The following RSU1 variants were observed in gnomAD, a reference collection of about 807,000 sequenced individuals.
RSU1 encodes the protein Ras suppressor protein 1, also known as rsu-1.
RSU1 carries 26 observed loss-of-function variants against 31.1 expected under a neutral mutation model. The observed-to-expected ratio is 0.84, with a 90% confidence interval of 0.61 to 1.16. The LOEUF is 1.16. RSU1 is among the 50% of genes most tolerant of loss of function. RSU1 has a pLI of 0.00. For synonymous variants in RSU1, 164 were observed against 136.3 expected (o/e 1.20, Z -1.41); for missense variants, 320 against 339.1 (o/e 0.94, Z 0.44).
At chr10:16,742,231 G>T (rs1836768960) in intron 7 of RSU1, among the ~76,000 whole-genome samples, 1 of 152,204 alleles carries the variant, frequency 6.6e-6, no homozygotes, top group Non-Finnish European at 1.5e-5. Flanking sequence ...ATGCTTTTGT[G>T]TAATGGGTAG....
intron 8 of RSU1, among the ~76,000 whole-genome samples, chr10:16,655,554 T>A (rs1192620332): frequency 1.3e-5 from 2 of 152,226 alleles, no homozygotes; most frequent in Admixed American, 6.5e-5. Context: ...AATTTGCATA[T>A]GTATGCAGTA....
intron 8 of RSU1, among the ~76,000 whole-genome samples, chr10:16,612,810 C>A (rs1314935904): frequency 6.6e-6 from 1 of 152,204 alleles, no homozygotes; most frequent in African/African-American, 2.4e-5. Context: ...GAGCAATTTG[C>A]AAACACACTG....
intron 8 of RSU1, among the ~76,000 whole-genome samples, chr10:16,622,314 C>T (rs1834083937): frequency 6.6e-6 from 1 of 152,176 alleles, no homozygotes. Flanking sequence ...AAGCATAGAT[C>T]CACCATTTCC....
At chr10:16,669,648 G>A (rs558156121) in intron 8 of RSU1, among the ~76,000 whole-genome samples, 17 of 151,906 alleles carry the variant, frequency 1.1e-4, no homozygotes, top group African/African-American at 3.4e-4. Flanking sequence ...CTCATTGTTC[G>A]GCTCCCACTT....
intron 7 of RSU1, among the ~76,000 whole-genome samples, chr10:16,696,640 A>G (rs1044430216): frequency 6.6e-6 from 1 of 152,214 alleles, no homozygotes; most frequent in African/African-American, 2.4e-5. Flanking sequence ...CAAGATTATC[A>G]ATATTGTCAA....
intron 7 of RSU1, among the ~76,000 whole-genome samples, chr10:16,742,238 G>T (rs1326941317): frequency 6.6e-6 from 1 of 152,162 alleles, no homozygotes; most frequent in East Asian, 1.9e-4. Context: ...TGTGTAATGG[G>T]TAGTCAACTT....
intron 8 of RSU1, among the ~76,000 whole-genome samples, chr10:16,604,806 G>T (rs920562339): frequency 2.0e-5 from 3 of 152,126 alleles, no homozygotes; most frequent in African/African-American, 7.2e-5. Context: ...CTGTCACCCT[G>T]GGTGCCGTAA....
chr10:16,771,920 A>G (rs45464692), intron 3 of RSU1, among the ~76,000 whole-genome samples: 1 of 152,224 alleles, frequency 6.6e-6, no homozygotes, highest in Non-Finnish European at 1.5e-5. Context: ...CTACGCCAAG[A>G]AAGGCCAACA....
intron 3 of RSU1, 87 bp downstream of exon 3, chr10:16,781,947 T>C (rs1419269633): frequency 2.7e-6 from 3 of 1,112,566 alleles, no homozygotes; most frequent in Admixed American, 2.1e-5. Context: ...CTTCATTAGT[T>C]TCTCCCAAGG....
rs796225177 is a variant in RSU1, at chr10:16,752,866, A to T, written c.483+52T>A. On this transcript the variant is annotated intron_variant, in intron 6 of 8. Coordinates refer to ENST00000345264, the MANE Select transcript of RSU1 (RefSeq NM_012425.4). Reference sequence around the variant, plus strand: ...CTCAAATTGACTTGATTCTACCCCTACAAGGCTGCAGCAGTGAATTGATTT... The same window carrying T: ...CTCAAATTGACTTGATTCTACCCCTTCAAGGCTGCAGCAGTGAATTGATTT... The T allele has an allele frequency of 4.7e-6, 7 of 1,500,942 alleles. No individual in the cohort carries two copies. In the African/African-American group the frequency reaches 8.2e-5, roughly 18 times the overall value. The allele number at this position is 1,500,942 out of a possible 1,614,324, so 93.0% of individuals were successfully genotyped here.
intron 8 of RSU1, among the ~76,000 whole-genome samples, chr10:16,651,450 A>G (rs985601330): frequency 6.6e-6 from 1 of 152,254 alleles, no homozygotes; most frequent in Admixed American, 6.5e-5. Flanking sequence ...TCTCAGTGTC[A>G]CCACTGCTGG....
At chr10:16,643,763 T>C (rs1182111905) in intron 8 of RSU1, among the ~76,000 whole-genome samples, 1 of 151,756 alleles carries the variant, frequency 6.6e-6, no homozygotes, top group Non-Finnish European at 1.5e-5. Flanking sequence ...AAAGGGTCGC[T>C]GTTAAGGCTA....
rs888194510 is a variant in RSU1, at chr10:16,592,388, A to C, written c.*1006T>G. ...GTAGGTATCACTGTTGAAAAGAAGG[A>C]AAGCTGCCTATCACAGATGTTAAAC... is the stretch of plus-strand genomic sequence containing the variant. On this transcript the variant is annotated 3_prime_UTR_variant, in exon 9 of 9. Coordinates refer to ENST00000345264, the MANE Select transcript of RSU1 (RefSeq NM_012425.4). 1.3e-5 allele frequency: 2 copies of C among 152,212 alleles called. No homozygotes were observed. Among genetic ancestry groups the C allele is most frequent in the African/African-American group, 4.8e-5 (2 of 41,444 alleles). The allele number at this position is 152,212 out of a possible 1,614,324, so 9.4% of individuals were successfully genotyped here.
chr10:16,645,944 A>G lies in RSU1; in HGVS notation c.731+49079T>C, dbSNP rs796957693. On this transcript the variant is annotated intron_variant, in intron 8 of 8. Transcript: ENST00000345264. The stretch of plus-strand genomic sequence containing the variant: ...TGTGTATATACACATATGTGTATAT[A>G]TATGTGTATATACATATATGTGTAT... Among the ~76,000 whole-genome samples the G allele has an allele frequency of 3.3e-5, 2 of 59,804 alleles. 1 individual carries two copies. The highest frequency in any genetic ancestry group is 7.6e-4 in the East Asian group (2 of 2,630). The allele number at this position is 59,804 out of a possible 152,430, so 39.2% of individuals were successfully genotyped here.
chr10:16,600,808 C>A (rs1454622523), intron 8 of RSU1, among the ~76,000 whole-genome samples: 1 of 152,152 alleles, frequency 6.6e-6, no homozygotes, highest in African/African-American at 2.4e-5. Flanking sequence ...GCAATCCTCT[C>A]ACCTCACACT....
intron 8 of RSU1, among the ~76,000 whole-genome samples, chr10:16,685,201 G>A (rs963721338): frequency 2.0e-5 from 3 of 152,180 alleles, no homozygotes; most frequent in African/African-American, 7.2e-5. Context: ...AGTGAGCCGA[G>A]ATCGCACCAC....
At chr10:16,709,362 A>G (rs1295975441) in intron 7 of RSU1, among the ~76,000 whole-genome samples, 2 of 152,194 alleles carry the variant, frequency 1.3e-5, no homozygotes, top group South Asian at 2.1e-4. Flanking sequence ...TCCATGGTGT[A>G]TATGTGCCAC....
intron 7 of RSU1, among the ~76,000 whole-genome samples, chr10:16,705,548 G>A (rs1465068433): frequency 6.6e-6 from 1 of 152,046 alleles, no homozygotes; most frequent in Non-Finnish European, 1.5e-5. Flanking sequence ...GGAGTGCAGA[G>A]GCGTGATCTC....
chr10:16,640,627 A>AC (rs926360964), intron 8 of RSU1, among the ~76,000 whole-genome samples: 1 of 152,134 alleles, frequency 6.6e-6, no homozygotes, highest in Non-Finnish European at 1.5e-5. Flanking sequence ...AATGGGCCTT[A>AC]CCCCCTGCTG....
Sources: gnomAD v4.1 joint callset for allele counts (sites outside exome capture counted in the v4.1 genomes callset) on GRCh38, gnomAD v4.1.1 for gene constraint, MANE v1.5 for transcripts, NCBI Gene and HGNC (gene_info 2026-07-23, HGNC 2026-07-21) for gene names.